The following AGPAT3 variants were observed in gnomAD, a reference collection of about 807,000 sequenced individuals.
The protein encoded by AGPAT3 is 1-acylglycerol-3-phosphate O-acyltransferase 3, also known as 1-acyl-sn-glycerol-3-phosphate acyltransferase gamma.
A neutral mutation model predicts 47.3 loss-of-function variants in AGPAT3; 5 were observed. The observed-to-expected ratio is 0.11, with a 90% CI of 0.06 to 0.22. The LOEUF (loss-of-function observed/expected upper bound fraction) is 0.22. AGPAT3 is among the 10% of genes least tolerant of loss of function. The probability of loss-of-function intolerance (pLI) is 1.00; values close to 1 mark genes in which losing one functional copy is unlikely to be tolerated. For missense variants in AGPAT3, 315 were observed against 493.0 expected (o/e 0.64, Z 3.42); for synonymous variants, 212 against 208.3 (o/e 1.02, Z -0.15).
In AGPAT3 at chr21:43,982,522, A is replaced by G. The variant is rs2089890442; in HGVS notation, c.*130A>G. The G allele has an allele frequency of 3.1e-6, 2 of 654,354 alleles. No homozygotes were observed. The highest frequency in any genetic ancestry group is 5.1e-6 in the Non-Finnish European group (2 of 391,762). 40.5% of individuals were successfully genotyped at this position (654,354 alleles called of 1,614,324 possible). ...TTAACTGGTGACTAATATTAACAAA[A>G]CTTGAGCCAAGAGTAAAGAATTCAG... On this transcript the variant is annotated 3_prime_UTR_variant, in exon 10 of 10. Transcript: ENST00000291572. The surrounding 1 kb of genome is among the most constrained non-coding windows in gnomAD (Gnocchi z 6.2).
At chr21:43,914,612 C>T (rs918555242) in intron 2 of AGPAT3, among the ~76,000 whole-genome samples, 7 of 151,924 alleles carry the variant, frequency 4.6e-5, no homozygotes, top group Non-Finnish European at 7.4e-5. Flanking sequence ...TGCAGTGGTG[C>T]GATCTTGGCT....
intron 7 of AGPAT3, among the ~76,000 whole-genome samples, chr21:43,972,971 C>A (rs749734523): frequency 6.6e-6 from 1 of 152,168 alleles, no homozygotes; most frequent in Non-Finnish European, 1.5e-5. Context: ...CCTGATCAGC[C>A]GAGCCTGCCC....
chr21:43,949,296 T>G (rs2088065783), intron 2 of AGPAT3, among the ~76,000 whole-genome samples: 1 of 152,216 alleles, frequency 6.6e-6, no homozygotes, highest in Non-Finnish European at 1.5e-5. Flanking sequence ...GTCAGCAATT[T>G]GGGTTGGGCT....
chr21:43,906,851 G>A lies in AGPAT3; in HGVS notation c.-49+2832G>A, dbSNP rs565757959. ...CACCCGTGCTCCGCCTGGGCGAGCC[G>A]ACACACACATGCTGGGTGGAAGAAG... is the stretch of plus-strand genomic sequence containing the variant. On this transcript the variant is annotated intron_variant, in intron 2 of 9. Coordinates refer to ENST00000291572, the MANE Select transcript of AGPAT3 (RefSeq NM_020132.5). 3.9e-5 allele frequency among the ~76,000 whole-genome samples: 6 copies of A among 152,232 alleles called. No homozygotes were observed. The South Asian group carries it at 8.3e-4, about 21-fold the overall frequency.
intron 7 of AGPAT3, among the ~76,000 whole-genome samples, chr21:43,972,536 G>A (rs900052079): frequency 7.9e-5 from 12 of 152,134 alleles, no homozygotes; most frequent in East Asian, 3.9e-4. Flanking sequence ...TGGGAGTGGC[G>A]TGTCTAGACC....
At chr21:43,957,895 G>A (rs1434230925) in intron 2 of AGPAT3, among the ~76,000 whole-genome samples, 1 of 152,202 alleles carries the variant, frequency 6.6e-6, no homozygotes, top group Non-Finnish European at 1.5e-5. Context: ...GGGGGCCACC[G>A]GCTTCCCTGC....
chr21:43,959,617 T>C lies in AGPAT3; in HGVS notation c.-48-17T>C. On this transcript the variant is annotated splice_polypyrimidine_tract_variant and intron_variant, in intron 2 of 9. Coordinates refer to ENST00000291572, the MANE Select transcript of AGPAT3 (RefSeq NM_020132.5). ...GGCGTGGCCACCCTGACGCTGTCCCTGTCCCTGTCTTTGCAGGACGGCTGT... is the reference window on the plus strand; with the variant it reads ...GGCGTGGCCACCCTGACGCTGTCCCCGTCCCTGTCTTTGCAGGACGGCTGT... The C allele has an allele frequency of 6.2e-6, 10 of 1,601,142 alleles. No homozygotes were observed. The highest frequency in any genetic ancestry group is 1.7e-4 in the Middle Eastern group (1 of 6,026).
At position 43,954,289 on chromosome 21, in the gene AGPAT3, A is replaced by C. The variant is rs1307136857; in HGVS notation, c.-48-5345A>C. On this transcript the variant is annotated intron_variant, in intron 2 of 9. Transcript: ENST00000291572. The surrounding 1 kb of genome is among the most constrained non-coding windows in gnomAD (Gnocchi z 4.0). ...ATTGGAGGTTTGTGCAGTCAGGTTT[A>C]TCAAGGAGGTCCAGGCGGGCTGGGT... 6.6e-6 allele frequency among the ~76,000 whole-genome samples: 1 copy of C among 152,196 alleles called. No individual in the cohort carries two copies.
At chr21:43,947,778 GGATTAT>G (rs2087970218) in intron 2 of AGPAT3, among the ~76,000 whole-genome samples, 1 of 151,786 alleles carries the variant, frequency 6.6e-6, no homozygotes, top group Admixed American at 6.6e-5. Flanking sequence ...TGAGTGGCTG[GGATTAT>G]AGGCGCCTGC....
intron 5 of AGPAT3, among the ~76,000 whole-genome samples, chr21:43,969,741 A>T (rs1038233950): frequency 1.3e-5 from 2 of 152,200 alleles, no homozygotes; most frequent in Middle Eastern, 3.4e-3. Flanking sequence ...TCTGTCGCCC[A>T]GGCTGGAGTG....
chr21:43,875,293 T>G (rs758250540), intron 1 of AGPAT3, among the ~76,000 whole-genome samples: 29 of 152,226 alleles, frequency 1.9e-4, no homozygotes, highest in South Asian at 8.3e-4. Flanking sequence ...ATACAATGCC[T>G]ATATATAACT....
intron 2 of AGPAT3, among the ~76,000 whole-genome samples, chr21:43,942,260 A>G (rs1442290093): frequency 1.3e-5 from 2 of 151,792 alleles, no homozygotes; most frequent in Admixed American, 6.6e-5. Context: ...AGAGACGTTG[A>G]GCGTCACGGT....
intron 2 of AGPAT3, among the ~76,000 whole-genome samples, chr21:43,914,082 G>A (rs867960766): frequency 3.9e-5 from 6 of 152,274 alleles, no homozygotes; most frequent in Admixed American, 2.0e-4. Flanking sequence ...CACGGCTGAC[G>A]TCTCTCTGCC....
Position 43,970,157 on chromosome 21 carries a change from A to AAG in AGPAT3, c.511-496_511-495insAG, listed in dbSNP as rs1345777633. On this transcript the variant is annotated intron_variant, in intron 5 of 9. Transcript: ENST00000291572. The surrounding 1 kb of genome is among the most constrained non-coding windows in gnomAD (Gnocchi z 5.8). Reference sequence around the variant, plus strand: ...CAAGTTGCTGGGATTACAGGCACTCACCACCACGACTGGCTAATTTTTGTA... The same window carrying AAG: ...CAAGTTGCTGGGATTACAGGCACTCAAGCCACCACGACTGGCTAATTTTTGTA... Among the ~76,000 whole-genome samples the AAG allele has an allele frequency of 1.1e-4, 16 of 148,310 alleles. No individual in the cohort carries two copies. Among genetic ancestry groups the AAG allele is most frequent in the African/African-American group, 4.0e-4 (16 of 39,910 alleles).
chr21:43,957,615 C>T (rs954184820), intron 2 of AGPAT3, among the ~76,000 whole-genome samples: 9 of 135,412 alleles, frequency 6.6e-5, no homozygotes, highest in Non-Finnish European at 7.8e-5. Flanking sequence ...GCGGGGGTCT[C>T]GGGTTTCCCC....
intron 2 of AGPAT3, among the ~76,000 whole-genome samples, chr21:43,941,089 G>A (rs1274058489): frequency 1.3e-5 from 2 of 152,232 alleles, no homozygotes; most frequent in South Asian, 2.1e-4. Flanking sequence ...GTACCAGGTG[G>A]TGCAGGGGGC....
rs55679757 is a variant in AGPAT3 at position 43,920,604 on chromosome 21, G to C, written c.-49+16585G>C. Reference sequence around the variant, plus strand: ...CTCTGGGGAGGGGAGGGAGCCCGCAGAGGTGGAGTGGATCACCAGTGGCCG... The same window carrying C: ...CTCTGGGGAGGGGAGGGAGCCCGCACAGGTGGAGTGGATCACCAGTGGCCG... On this transcript the variant is annotated intron_variant, in intron 2 of 9. Transcript: ENST00000291572. The surrounding 1 kb of genome is among the most constrained non-coding windows in gnomAD (Gnocchi z 6.1). Among the ~76,000 whole-genome samples, 1 of 152,134 alleles carries C rather than the reference G, an allele frequency of 6.6e-6. No individual in the cohort carries two copies. The highest frequency in any genetic ancestry group is 1.5e-5 in the Non-Finnish European group (1 of 68,026).
intron 1 of AGPAT3, among the ~76,000 whole-genome samples, chr21:43,899,173 G>A (rs79816046): frequency 7.6e-6 from 1 of 131,870 alleles, no homozygotes; most frequent in African/African-American, 2.9e-5. Context: ...CCCGCCCCTT[G>A]TGTTTGTCCG....
intron 2 of AGPAT3, among the ~76,000 whole-genome samples, chr21:43,937,336 C>G (rs1266296307): frequency 6.6e-6 from 1 of 152,242 alleles, no homozygotes; most frequent in Non-Finnish European, 1.5e-5. Context: ...CTGCCTTGAG[C>G]TGACCTAGGT....
Sources: allele counts gnomAD v4.1 joint callset (sites outside exome capture counted in the v4.1 genomes callset), GRCh38; gene constraint gnomAD v4.1.1; non-coding constraint Gnocchi (gnomAD v3.1); transcripts MANE v1.5; gene names NCBI Gene and HGNC (gene_info 2026-07-23, HGNC 2026-07-21).